Variants in PHF14 observed in about 807,000 individuals in gnomAD.
The protein encoded by PHF14 is PHD finger protein 14.
PHF14 carries 55 observed loss-of-function variants against 117.9 expected under a neutral mutation model. The ratio of observed to expected loss-of-function variants is 0.47; its 90% confidence interval spans 0.38 to 0.58. The LOEUF (loss-of-function observed/expected upper bound fraction) is 0.58, where lower values mean the gene tolerates loss of function less well. PHF14 is among the 20% of genes least tolerant of loss of function. The pLI is 0.00. For missense variants in PHF14, 978 were observed against 1,122.2 expected, an observed-to-expected ratio of 0.87 and a Z score of 1.84; for synonymous variants, 409 against 368.6, an observed-to-expected ratio of 1.11 and a Z score of -1.26.
chr7:11,168,007 A>C (rs1024323850), intron 17 of PHF14, among the ~76,000 whole-genome samples: 5 of 143,054 alleles, frequency 3.5e-5, no homozygotes, highest in South Asian at 4.6e-4. Context: ...GCCTGGGCGA[A>C]AGAGTCCGTC....
Position 11,138,788 on chromosome 7 carries a change from A to G in PHF14, c.2772+27321A>G, listed in dbSNP as rs187868835. 3.5e-3 allele frequency among the ~76,000 whole-genome samples: 530 copies of G among 152,260 alleles called. 1 individual carries two copies. Among genetic ancestry groups the G allele is most frequent in the Non-Finnish European group, 5.5e-3 (376 of 68,012 alleles). ...TAATTGTATTTTCCTTGTTTTTACA[A>G]TTTGAAGACTTCTGTTATTTTATAC... is the stretch of plus-strand genomic sequence containing the variant. On this transcript the variant is annotated intron_variant, in intron 17 of 17. Coordinates refer to ENST00000634607, the MANE Select transcript of PHF14 (RefSeq NM_001007157.2).
chr7:11,147,669 C>T (rs1471611677), intron 17 of PHF14, among the ~76,000 whole-genome samples: 3 of 152,012 alleles, frequency 2.0e-5, no homozygotes, highest in African/African-American at 7.2e-5. Flanking sequence ...ACTGGCAGAC[C>T]CTTCTCAGTC....
intron 17 of PHF14, among the ~76,000 whole-genome samples, chr7:11,159,937 C>A (rs1220109820): frequency 6.6e-6 from 1 of 152,068 alleles, no homozygotes; most frequent in Non-Finnish European, 1.5e-5. Context: ...ATTTTAGATT[C>A]AAGAGGTACA....
At chr7:11,018,994 A>G (rs1215727457) in intron 5 of PHF14, among the ~76,000 whole-genome samples, 19 of 152,168 alleles carry the variant, frequency 1.2e-4, no homozygotes, top group Admixed American at 1.2e-3. Context: ...AGTTGAAATG[A>G]TCATATGGTT....
intron 2 of PHF14, among the ~76,000 whole-genome samples, chr7:10,975,715 A>T (rs1408611485): frequency 6.6e-6 from 1 of 152,196 alleles, no homozygotes; most frequent in African/African-American, 2.4e-5. Context: ...ATTATGTGTA[A>T]TTCCACCTCT....
intron 4 of PHF14, among the ~76,000 whole-genome samples, chr7:11,009,035 C>CA (rs35700406): frequency 0.48 from 48,450 of 101,366 alleles, 10,612 homozygotes; most frequent in Middle Eastern, 0.6. Context: ...GACTCTGTCT[C>CA]AAAAAAAAAA....
At chr7:11,105,358 C>T in intron 16 of PHF14, 1 of 947,164 alleles carries the variant, frequency 1.1e-6, no homozygotes, top group Non-Finnish European at 1.3e-6. Context: ...CCTGTATTCA[C>T]ATCCTATTAA....
At chr7:11,050,456 T>G (rs1784821588) in intron 13 of PHF14, among the ~76,000 whole-genome samples, 1 of 152,194 alleles carries the variant, frequency 6.6e-6, no homozygotes, top group Non-Finnish European at 1.5e-5. Context: ...TTTGAAATGG[T>G]CCTTTATGAT....
chr7:10,998,435 CAG>C (rs1782741345), intron 4 of PHF14, among the ~76,000 whole-genome samples: 1 of 151,930 alleles, frequency 6.6e-6, no homozygotes, highest in Admixed American at 6.6e-5. Flanking sequence ...TATACACACA[CAG>C]ACACATATAT....
chr7:11,012,651 C>G (rs6970876), intron 4 of PHF14, among the ~76,000 whole-genome samples: 1 of 152,026 alleles, frequency 6.6e-6, no homozygotes, highest in African/African-American at 2.4e-5. Context: ...GTTATCTTGT[C>G]TGTTGGGTGT....
In PHF14 at chr7:11,018,467, TTTAAG is replaced by T. The variant is rs1176403365; in HGVS notation, c.1206-4396_1206-4392del. Among the ~76,000 whole-genome samples the T allele has an allele frequency of 2.6e-5, 4 of 152,138 alleles. No individual in the cohort carries two copies. The South Asian group carries it at 6.2e-4, about 24-fold the overall frequency. ...TGTTATTATAGAAATCTTTTACTTCTTTAAGTTAATTCCTAGGTATTTAATCTTAT... is the reference window on the plus strand; with the variant it reads ...TGTTATTATAGAAATCTTTTACTTCTTTAATTCCTAGGTATTTAATCTTAT... On this transcript the variant is annotated intron_variant, in intron 5 of 17. Coordinates refer to ENST00000634607, the MANE Select transcript of PHF14 (RefSeq NM_001007157.2).
At chr7:11,025,642 A>G (rs1358939278) in intron 6 of PHF14, among the ~76,000 whole-genome samples, 3 of 151,966 alleles carry the variant, frequency 2.0e-5, no homozygotes, top group Admixed American at 2.0e-4. Flanking sequence ...AAAAATACAA[A>G]AAATTAGCCG....
At chr7:11,054,882 A>G (rs1562442633) in intron 14 of PHF14, among the ~76,000 whole-genome samples, 3 of 151,932 alleles carry the variant, frequency 2.0e-5, no homozygotes, top group African/African-American at 7.3e-5. Context: ...TCCTGCCATA[A>G]ATTGATCAAA....
intron 16 of PHF14, chr7:11,062,423 A>T (rs1785258898): frequency 6.2e-6 from 1 of 161,160 alleles, no homozygotes; most frequent in African/African-American, 2.4e-5. Flanking sequence ...TATGTCAGAA[A>T]ACAATAAAGT....
chr7:11,052,936 G>A (rs2073061468), intron 14 of PHF14, among the ~76,000 whole-genome samples: 1 of 152,106 alleles, frequency 6.6e-6, no homozygotes, highest in Non-Finnish European at 1.5e-5. Flanking sequence ...TTAAATAAAA[G>A]TTTGGTGTGT....
rs767361590 is a variant in PHF14 at position 10,974,342 on chromosome 7, C to A, written c.1+18C>A. 25 of 1,586,516 alleles carry A rather than the reference C, an allele frequency of 1.6e-5. No homozygotes were observed. The highest frequency in any genetic ancestry group is 1.7e-4 in the Middle Eastern group (1 of 6,028). On this transcript the variant is annotated intron_variant, in intron 1 of 17. Coordinates refer to ENST00000634607, the MANE Select transcript of PHF14 (RefSeq NM_001007157.2). ...ATTCCTTAGTAAGTGTATCCGAGGC[C>A]TCTGCGGCGAGAGGTCCATTTCAGC...
intron 17 of PHF14, among the ~76,000 whole-genome samples, chr7:11,116,006 CTAAT>C (rs1381242081): frequency 2.6e-5 from 4 of 152,004 alleles, no homozygotes; most frequent in Admixed American, 2.0e-4. Flanking sequence ...TGCTAGTTTT[CTAAT>C]TAATTAGTGA....
chr7:11,165,219 G>A (rs941574324), intron 17 of PHF14, among the ~76,000 whole-genome samples: 5 of 152,168 alleles, frequency 3.3e-5, no homozygotes, highest in Middle Eastern at 3.2e-3. Flanking sequence ...CACTGTAGCC[G>A]GCCGACCTTG....
chr7:11,145,996 C>G (rs1788540765), intron 17 of PHF14, among the ~76,000 whole-genome samples: 1 of 151,914 alleles, frequency 6.6e-6, no homozygotes, highest in Non-Finnish European at 1.5e-5. Flanking sequence ...TTATCACAAA[C>G]TATTAATTAA....
Sources: allele counts gnomAD v4.1 joint callset (sites outside exome capture counted in the v4.1 genomes callset), GRCh38; gene constraint gnomAD v4.1.1; transcripts MANE v1.5; gene names NCBI Gene and HGNC (gene_info 2026-07-23, HGNC 2026-07-21).